GMPS: variants seen among roughly 807,000 people sequenced by gnomAD.
GMPS encodes GMP synthase [glutamine-hydrolyzing].
Under a neutral mutation model 77.9 loss-of-function variants are expected in GMPS, and 15 were observed. The ratio of observed to expected loss-of-function variants is 0.19; its 90% CI spans 0.13 to 0.30. The LOEUF (loss-of-function observed/expected upper bound fraction) is 0.30, where lower values mean the gene tolerates loss of function less well. Ranked by LOEUF, GMPS falls within the 10% of genes least tolerant of loss-of-function variation. The probability of loss-of-function intolerance (pLI) is 1.00; values close to 1 mark genes in which losing one functional copy is unlikely to be tolerated. For synonymous variants in GMPS, 224 were observed against 275.9 expected (o/e 0.81, Z 1.86); for missense variants, 590 against 838.8 (o/e 0.70, Z 3.66).
In GMPS at chr3:155,938,943, C is replaced by G. The variant is rs978027982; in HGVS notation, c.*1251C>G. 2 of 217,182 alleles carry G rather than the reference C, an allele frequency of 9.2e-6. No homozygotes were observed. The highest frequency in any genetic ancestry group is 5.8e-5 in the Admixed American group (1 of 17,194). 13.5% of individuals were successfully genotyped at this position (217,182 alleles called of 1,614,324 possible). A position where few individuals can be genotyped will look rare whatever the true frequency, so the allele number is the denominator to read the frequency against. ...TTACCATATTTTTCTCTTAACAATT[C>G]CATCTCAGGTTGCTGCTGCTTGTCT... is the stretch of plus-strand genomic sequence containing the variant. On this transcript the variant is annotated 3_prime_UTR_variant, in exon 16 of 16. Transcript: ENST00000496455.
chr3:155,928,019 C>CTTTTTTTTTTTTTTTTTTTT (rs35962523), intron 12 of GMPS, among the ~76,000 whole-genome samples: 1 of 67,842 alleles, frequency 1.5e-5, no homozygotes, highest in Admixed American at 2.5e-4. Flanking sequence ...GCATTTTACA[C>CTTTTTTTTTTTTTTTTTTTT]TTTTTTTTTT....
intron 1 of GMPS, among the ~76,000 whole-genome samples, chr3:155,892,148 TA>T (rs769846406): frequency 6.6e-6 from 1 of 152,186 alleles, no homozygotes; most frequent in Non-Finnish European, 1.5e-5. Context: ...AAATCACTTA[TA>T]GTTCCATTAC....
chr3:155,928,162 G>A (rs891911737), intron 12 of GMPS, among the ~76,000 whole-genome samples: 2 of 151,182 alleles, frequency 1.3e-5, no homozygotes, highest in African/African-American at 4.9e-5. Context: ...GTGTAGCTGG[G>A]GTTACAGGCA....
chr3:155,942,696 T>G lies in GMPS; in HGVS notation c.*5004T>G. 4.4e-6 allele frequency: 1 copy of G among 228,668 alleles called. No individual in the cohort carries two copies. The allele number at this position is 228,668 out of a possible 1,614,324, so 14.2% of individuals were successfully genotyped here. On this transcript the variant is annotated 3_prime_UTR_variant, in exon 16 of 16. Coordinates refer to ENST00000496455, the MANE Select transcript of GMPS (RefSeq NM_003875.3). ...GGGCAACAACTGTGTAGGCTGTTCTTTCAACCTCTTTCTTCTTACTTCTTT... is the reference window on the plus strand; with the variant it reads ...GGGCAACAACTGTGTAGGCTGTTCTGTCAACCTCTTTCTTCTTACTTCTTT...
chr3:155,874,901 CTTTTTTTTTTTT>C (rs1171275758), intron 1 of GMPS, among the ~76,000 whole-genome samples: 13 of 71,410 alleles, frequency 1.8e-4, no homozygotes, highest in South Asian at 5.7e-4. Context: ...ACTTTGTTTT[CTTTTTTTTTTTT>C]TTTTTTTTTT....
chr3:155,870,829 C>T lies in GMPS; in HGVS notation c.-42C>T, dbSNP rs759323367. The T allele has an allele frequency of 1.2e-5, 16 of 1,366,694 alleles. No individual in the cohort carries two copies. Among genetic ancestry groups the T allele is most frequent in the South Asian group, 1.3e-5 (1 of 78,266 alleles). The allele number at this position is 1,366,694 out of a possible 1,614,324, so 84.7% of individuals were successfully genotyped here. A position where few individuals can be genotyped will look rare whatever the true frequency, so the allele number is the denominator to read the frequency against. On this transcript the variant is annotated 5_prime_UTR_variant, in exon 1 of 16. Coordinates refer to ENST00000496455, the MANE Select transcript of GMPS (RefSeq NM_003875.3). ...CTTCCGGCACCCTCCCGCCCCGTCT[C>T]GTACTGTCGCCGTCACCGCCGCGGC...
chr3:155,885,679 C>T (rs1027852133), intron 1 of GMPS, among the ~76,000 whole-genome samples: 2 of 152,156 alleles, frequency 1.3e-5, no homozygotes, highest in Non-Finnish European at 2.9e-5. Flanking sequence ...TTGTATTATA[C>T]TTACTGTTTG....
At chr3:155,908,345 CTG>C (rs1754947557) in intron 5 of GMPS, among the ~76,000 whole-genome samples, 1 of 152,234 alleles carries the variant, frequency 6.6e-6, no homozygotes, top group Non-Finnish European at 1.5e-5. Context: ...CGGATTCAAT[CTG>C]TGAGATGGGG....
chr3:155,901,446 T>C (rs1221701824), intron 3 of GMPS, among the ~76,000 whole-genome samples: 1 of 152,166 alleles, frequency 6.6e-6, no homozygotes, highest in East Asian at 1.9e-4. Context: ...TTATAGACAA[T>C]ATTGCCATGA....
chr3:155,932,310 A>ACCCC (rs1755646938), intron 13 of GMPS, among the ~76,000 whole-genome samples: 2 of 151,750 alleles, frequency 1.3e-5, no homozygotes, highest in Middle Eastern at 3.2e-3. Flanking sequence ...ACACACACAC[A>ACCCC]CACACCCCTA....
intron 5 of GMPS, among the ~76,000 whole-genome samples, chr3:155,906,841 C>T (rs906118100): frequency 1.3e-5 from 2 of 152,116 alleles, no homozygotes; most frequent in Non-Finnish European, 2.9e-5. Flanking sequence ...TAGTCCTTTG[C>T]AGAAAGTTTG....
At chr3:155,909,608 C>T (rs1754978801) in intron 5 of GMPS, among the ~76,000 whole-genome samples, 1 of 152,144 alleles carries the variant, frequency 6.6e-6, no homozygotes, top group South Asian at 2.1e-4. Flanking sequence ...TATGTATTTC[C>T]TATTCCTATA....
chr3:155,924,669 G>C (rs543340895), intron 11 of GMPS, among the ~76,000 whole-genome samples: 87 of 152,240 alleles, frequency 5.7e-4, no homozygotes, highest in African/African-American at 2.1e-3. Flanking sequence ...TACAGAAAAA[G>C]ATTGTAGAAT....
chr3:155,914,070 C>T lies in GMPS; in HGVS notation c.887-349C>T, dbSNP rs1755106947. 3.3e-5 allele frequency among the ~76,000 whole-genome samples: 5 copies of T among 152,152 alleles called. No individual in the cohort carries two copies. The South Asian group carries it at 1.0e-3, about 32-fold the overall frequency. On this transcript the variant is annotated intron_variant, in intron 7 of 15. Transcript: ENST00000496455. ...CACACCATTCTCCTGCCTCGGCTTC[C>T]CAAGTAGCTGGGACTACAGGCACCC...
intron 1 of GMPS, among the ~76,000 whole-genome samples, chr3:155,892,054 A>C (rs1347415592): frequency 1.3e-5 from 2 of 152,234 alleles, no homozygotes; most frequent in East Asian, 3.8e-4. Context: ...TGCAAATTTT[A>C]CAACTAGAGG....
chr3:155,923,334 G>A (rs183800636), intron 11 of GMPS, among the ~76,000 whole-genome samples: 2 of 152,120 alleles, frequency 1.3e-5, no homozygotes, highest in Admixed American at 1.3e-4. Flanking sequence ...AGGTTAAGAT[G>A]GAAGGATAAG....
intron 7 of GMPS, among the ~76,000 whole-genome samples, chr3:155,912,383 C>G (rs1390931814): frequency 7.2e-5 from 11 of 152,148 alleles, no homozygotes; most frequent in Admixed American, 7.2e-4. Context: ...GGGGTCTCTC[C>G]CAACATCCTG....
intron 3 of GMPS, among the ~76,000 whole-genome samples, chr3:155,899,341 C>T (rs1441296404): frequency 6.6e-6 from 1 of 151,252 alleles, no homozygotes; most frequent in Non-Finnish European, 1.5e-5. Context: ...GCACTCCAGC[C>T]TCAGTGACAA....
At chr3:155,924,487 T>C (rs1393400623) in intron 11 of GMPS, among the ~76,000 whole-genome samples, 1 of 152,152 alleles carries the variant, frequency 6.6e-6, no homozygotes, top group Non-Finnish European at 1.5e-5. Context: ...GGACAGAAGA[T>C]TGATTATCTT....
Sources: gnomAD v4.1 joint callset for allele counts (sites outside exome capture counted in the v4.1 genomes callset) on GRCh38, gnomAD v4.1.1 for gene constraint, MANE v1.5 for transcripts, NCBI Gene and HGNC (gene_info 2026-07-23, HGNC 2026-07-21) for gene names.